GCAT: variants seen among roughly 807,000 people sequenced by gnomAD.
The protein encoded by GCAT is 2-amino-3-ketobutyrate coenzyme A ligase, mitochondrial.
GCAT carries 26 observed loss-of-function variants against 39.7 expected under a neutral mutation model. The ratio of observed to expected loss-of-function variants is 0.65; its 90% CI spans 0.48 to 0.91. GCAT has a LOEUF of 0.91. Ranked by LOEUF, GCAT falls within the 40% of genes least tolerant of loss-of-function variation. The pLI, the probability that GCAT is intolerant of heterozygous loss-of-function variation, is 0.00. For missense variants in GCAT, 550 were observed against 576.2 expected (o/e 0.95, Z 0.47); for synonymous variants, 218 against 237.2 (o/e 0.92, Z 0.74).
intron 2 of GCAT, among the ~76,000 whole-genome samples, chr22:37,812,131 G>C (rs550588285): frequency 8.0e-5 from 12 of 150,760 alleles, no homozygotes; most frequent in Non-Finnish European, 1.8e-4. Flanking sequence ...TGGAGTTTGA[G>C]ACCAGCCTGG....
intron 8 of GCAT, 68 bp from the exon 9 acceptor site, chr22:37,816,499 C>G (rs890709061): frequency 1.9e-6 from 3 of 1,575,852 alleles, no homozygotes; most frequent in Non-Finnish European, 2.6e-6. Flanking sequence ...TGGGGCAGTT[C>G]CCTTGCCCTC....
At chr22:37,814,483 G>A (rs894102077) in intron 4 of GCAT, among the ~76,000 whole-genome samples, 15 of 152,200 alleles carry the variant, frequency 9.9e-5, no homozygotes, top group Middle Eastern at 3.4e-3. Context: ...GGCTGGTTTC[G>A]AACTCCTGAC....
Position 37,807,937 on chromosome 22 carries a change from C to G in GCAT, c.-31C>G. ...GTCCGCGATGCGCACGGCTCCCAGG[C>G]AGGCAGGCGCGCTCGGGCGAGGTAG... On this transcript the variant is annotated 5_prime_UTR_variant, in exon 1 of 9. Coordinates refer to ENST00000248924, the MANE Select transcript of GCAT (RefSeq NM_014291.4). 1 of 1,448,398 alleles carries G rather than the reference C, an allele frequency of 6.9e-7. No homozygotes were observed. Among genetic ancestry groups the G allele is most frequent in the Non-Finnish European group, 9.0e-7 (1 of 1,106,710 alleles). 89.7% of individuals were successfully genotyped at this position (1,448,398 alleles called of 1,614,324 possible).
At chr22:37,815,033 C>A in intron 4 of GCAT, 93 bp from the exon 5 acceptor site, 1 of 1,272,554 alleles carries the variant, frequency 7.9e-7, no homozygotes, top group Non-Finnish European at 1.1e-6. Flanking sequence ...GGGCACTGGG[C>A]AGGATGAGCT....
At chr22:37,810,409 C>T (rs577910717) in intron 2 of GCAT, among the ~76,000 whole-genome samples, 7 of 151,962 alleles carry the variant, frequency 4.6e-5, no homozygotes, top group African/African-American at 1.4e-4. Context: ...TGCAGTGGCA[C>T]AATCTTGGCT....
intron 4 of GCAT, among the ~76,000 whole-genome samples, chr22:37,814,454 G>T (rs1465868518): frequency 3.3e-5 from 5 of 152,026 alleles, no homozygotes; most frequent in Non-Finnish European, 7.4e-5. Flanking sequence ...GTAGAGATGG[G>T]GTTTAGCCAT....
At chr22:37,812,056 C>A (rs1026096222) in intron 2 of GCAT, among the ~76,000 whole-genome samples, 15 of 151,530 alleles carry the variant, frequency 9.9e-5, no homozygotes, top group African/African-American at 3.6e-4. Flanking sequence ...GCTGGCTGGG[C>A]ATGGTAGTTC....
intron 8 of GCAT, 93 bp from the exon 9 acceptor site, chr22:37,816,474 C>T: frequency 6.5e-7 from 1 of 1,547,404 alleles, no homozygotes; most frequent in Non-Finnish European, 8.8e-7. Flanking sequence ...ATGAGGCAGT[C>T]CCGAATCTGA....
intron 4 of GCAT, among the ~76,000 whole-genome samples, chr22:37,814,690 G>T (rs1242988407): frequency 6.6e-6 from 1 of 152,108 alleles, no homozygotes; most frequent in Non-Finnish European, 1.5e-5. Context: ...TAGAGACAGG[G>T]TCTCACTATG....
At chr22:37,812,779 T>A (rs1014058935) in intron 2 of GCAT, 108 bp from the exon 3 acceptor site, 1 of 749,302 alleles carries the variant, frequency 1.3e-6, no homozygotes, top group African/African-American at 1.7e-5. Context: ...AGACTGAGGC[T>A]GCAGGCTTTC....
At chr22:37,808,200 C>G (rs1477326746) in intron 1 of GCAT, 37 bp downstream of exon 1, 2 of 1,419,838 alleles carry the variant, frequency 1.4e-6, no homozygotes, top group Non-Finnish European at 1.9e-6. Context: ...CAAGACCTTT[C>G]CCGAGCTTGC....
chr22:37,807,988 G>C lies in GCAT; in HGVS notation c.21G>C (p.Trp7Cys). The C allele has an allele frequency of 6.5e-7, 1 of 1,537,700 alleles. No homozygotes were observed. The highest frequency in any genetic ancestry group is 8.7e-7 in the Non-Finnish European group (1 of 1,143,960). The change falls in exon 1 of 9, where the codon TGG becomes TGC. Residue 7 changes from tryptophan to cysteine, a missense_variant. Around this residue, in one of 3 missense-constraint regions of GCAT, gnomAD observed 154 missense variants for 141.9 expected, o/e 1.08. Transcript: ENST00000248924. MWPGNAWRAALFWVPRG... is the reference protein window; with the variant it reads MWPGNACRAALFWVPRG... ...GAGCGATGTGGCCTGGGAACGCCTGGCGCGCCGCACTCTTCTGGGTGCCCC... is the reference window on the plus strand; with the variant it reads ...GAGCGATGTGGCCTGGGAACGCCTGCCGCGCCGCACTCTTCTGGGTGCCCC...
chr22:37,810,776 A>G (rs949331902), intron 2 of GCAT, among the ~76,000 whole-genome samples: 2 of 152,000 alleles, frequency 1.3e-5, no homozygotes, highest in South Asian at 4.2e-4. Flanking sequence ...TGGCCTCCCA[A>G]AGTGCTGGGA....
chr22:37,809,901 C>T (rs1211471703), intron 1 of GCAT, 126 bp from the exon 2 acceptor site: 1 of 1,261,690 alleles, frequency 7.9e-7, no homozygotes, highest in Non-Finnish European at 1.1e-6. Context: ...TTTGGTGCCT[C>T]CTCAATGGTG....
At position 37,815,410 on chromosome 22, in the gene GCAT, C is replaced by T; in HGVS notation, c.732-8C>T. ...GGCCAGTGACAGCAGCGGTGGCTTC[C>T]CTTGCAGGGGCACAGATGAGCTGCT... On this transcript the variant is annotated splice_polypyrimidine_tract_variant and splice_region_variant and intron_variant, in intron 5 of 8. Transcript: ENST00000248924. The T allele has an allele frequency of 6.2e-7, 1 of 1,609,122 alleles. No homozygotes were observed. The highest frequency in any genetic ancestry group is 8.5e-7 in the Non-Finnish European group (1 of 1,177,874).
chr22:37,813,125 A>G, intron 3 of GCAT, 137 bp downstream of exon 3: 2 of 683,226 alleles, frequency 2.9e-6, no homozygotes, highest in Non-Finnish European at 5.2e-6. Context: ...CTGGAGGTCA[A>G]GGTTGGGCCA....
In GCAT at chr22:37,809,023, C is replaced by T. The variant is rs182324091; in HGVS notation, c.196+860C>T. Among the ~76,000 whole-genome samples, 280 of 152,324 alleles carry T rather than the reference C, an allele frequency of 1.8e-3. 3 individuals carry two copies. The highest frequency in any genetic ancestry group is 4.0e-4 in the Non-Finnish European group (27 of 68,024). ...CACTCTAACCAGTGGTTACACCTGA[C>T]TTATTCGTGTCAGGCCTCAGGTGAG... is the stretch of plus-strand genomic sequence containing the variant. On this transcript the variant is annotated intron_variant, in intron 1 of 8. Coordinates refer to ENST00000248924, the MANE Select transcript of GCAT (RefSeq NM_014291.4).
downstream of GCAT, chr22:37,816,988 CTGAGG>C: frequency 1.9e-5 from 8 of 413,990 alleles, no homozygotes; most frequent in East Asian, 4.3e-5. Flanking sequence ...GGGGAGGCGC[CTGAGG>C]ACTGCAGATC....
chr22:37,814,742 G>A (rs915377286), intron 4 of GCAT, among the ~76,000 whole-genome samples: 1 of 152,202 alleles, frequency 6.6e-6, no homozygotes, highest in Non-Finnish European at 1.5e-5. Flanking sequence ...CCAAAGTCCT[G>A]GGATTACAGG....
Sources: gnomAD v4.1 joint callset for allele counts (sites outside exome capture counted in the v4.1 genomes callset) on GRCh38, gnomAD v4.1.1 for gene constraint, gnomAD v4.1.1 regional missense constraint, MANE v1.5 for transcripts, NCBI Gene and HGNC (gene_info 2026-07-23, HGNC 2026-07-21) for gene names.